The following SLC10A7 variants were observed in gnomAD, a reference collection of about 807,000 sequenced individuals.
The protein encoded by SLC10A7 is sodium/bile acid cotransporter 7.
A neutral mutation model predicts 43.2 loss-of-function variants in SLC10A7; 29 were observed. The ratio of observed to expected loss-of-function variants is 0.67; its 90% confidence interval spans 0.50 to 0.92. The LOEUF is 0.92. Among genes scored for constraint, SLC10A7 ranks in the 40% least tolerant of loss-of-function variants. The pLI is 0.00. For synonymous variants in SLC10A7, 152 were observed against 144.8 expected (o/e 1.05, Z -0.35); for missense variants, 295 against 403.2 (o/e 0.73, Z 2.30).
intron 4 of SLC10A7, among the ~76,000 whole-genome samples, chr4:146,492,957 AAAG>A (rs1487515276): frequency 2.0e-5 from 3 of 152,204 alleles, no homozygotes; most frequent in African/African-American, 7.2e-5. Context: ...GATGGGGCCA[AAAG>A]AAGCAGCTAA....
In SLC10A7 at chr4:146,508,145, G is replaced by A. The variant is rs151263992; in HGVS notation, c.320+1768C>T. Among the ~76,000 whole-genome samples the A allele has an allele frequency of 7.1e-3, 1,075 of 152,202 alleles. 9 individuals carry two copies. The highest frequency in any genetic ancestry group is 0.025 in the African/African-American group (1,036 of 41,520). Reference sequence around the variant, plus strand: ...TTTATCTTTGTATCTCATTAATGCCGCATTTTTGAAATCTCTACGAGTACC... The same window carrying A: ...TTTATCTTTGTATCTCATTAATGCCACATTTTTGAAATCTCTACGAGTACC... On this transcript the variant is annotated intron_variant, in intron 3 of 11. Coordinates refer to ENST00000335472, the MANE Select transcript of SLC10A7 (RefSeq NM_001029998.6).
chr4:146,392,670 C>A (rs1738527107), intron 5 of SLC10A7, among the ~76,000 whole-genome samples: 1 of 152,076 alleles, frequency 6.6e-6, no homozygotes, highest in Non-Finnish European at 1.5e-5. Context: ...CCCCAAAGGT[C>A]CCTTAAGAGA....
At chr4:146,291,992 C>G (rs935614951) in intron 9 of SLC10A7, among the ~76,000 whole-genome samples, 3 of 152,120 alleles carry the variant, frequency 2.0e-5, no homozygotes, top group African/African-American at 7.2e-5. Flanking sequence ...CTTTTAAGAA[C>G]AGGAAGGAGG....
intron 4 of SLC10A7, among the ~76,000 whole-genome samples, chr4:146,462,338 C>T (rs1288400733): frequency 2.6e-5 from 4 of 152,010 alleles, no homozygotes; most frequent in Non-Finnish European, 4.4e-5. Flanking sequence ...AAATTTTCTA[C>T]AAACAATAAA....
rs575045262 is a variant in SLC10A7, at chr4:146,327,000, A to G, written c.436-1004T>C. On this transcript the variant is annotated intron_variant, in intron 5 of 11. Transcript: ENST00000335472. ...GAGAGAGAGAGAGAGAGAGAGACAG[A>G]TAGACAGAGGTACTATATATCCAGA... is the stretch of plus-strand genomic sequence containing the variant. 4.1e-4 allele frequency among the ~76,000 whole-genome samples: 62 copies of G among 152,160 alleles called. 1 individual carries two copies. Among genetic ancestry groups the G allele is most frequent in the African/African-American group, 1.4e-3 (58 of 41,498 alleles).
chr4:146,298,244 A>G (rs1018816142), intron 7 of SLC10A7, among the ~76,000 whole-genome samples: 1 of 152,242 alleles, frequency 6.6e-6, no homozygotes, highest in African/African-American at 2.4e-5. Flanking sequence ...TCCCTGGTAC[A>G]TGATCACTAT....
At chr4:146,289,810 G>C (rs2111166490) in intron 9 of SLC10A7, among the ~76,000 whole-genome samples, 2 of 146,764 alleles carry the variant, frequency 1.4e-5, no homozygotes, top group South Asian at 4.4e-4. Context: ...CCGTCTCCCG[G>C]GTTCAAGCGA....
intron 10 of SLC10A7, among the ~76,000 whole-genome samples, chr4:146,271,172 C>T (rs1302903430): frequency 6.6e-6 from 1 of 152,286 alleles, no homozygotes; most frequent in South Asian, 2.1e-4. Context: ...CCATAGCCTG[C>T]AAACTTCAGC....
chr4:146,462,094 T>A (rs573057053), intron 4 of SLC10A7, among the ~76,000 whole-genome samples: 17 of 152,226 alleles, frequency 1.1e-4, no homozygotes, highest in African/African-American at 4.1e-4. Context: ...AAAGTCTAAA[T>A]AAATATATTT....
intron 7 of SLC10A7, among the ~76,000 whole-genome samples, chr4:146,297,272 C>T (rs1730848683): frequency 6.6e-6 from 1 of 152,080 alleles, no homozygotes; most frequent in Non-Finnish European, 1.5e-5. Context: ...TGTTGTCTCA[C>T]CTTCAAAACT....
intron 5 of SLC10A7, among the ~76,000 whole-genome samples, chr4:146,375,105 C>T (rs1737095669): frequency 6.6e-6 from 1 of 152,118 alleles, no homozygotes; most frequent in Admixed American, 6.6e-5. Context: ...ACTCAGGAGG[C>T]TGAGGCAGGA....
chr4:146,517,066 A>G lies in SLC10A7; in HGVS notation c.155T>C (p.Phe52Ser). The G allele has an allele frequency of 6.2e-7, 1 of 1,610,460 alleles. No homozygotes were observed. The highest frequency in any genetic ancestry group is 8.5e-7 in the Non-Finnish European group (1 of 1,177,464). Residue 52 changes from phenylalanine (F) to serine (S), a missense_variant, in exon 2 of 12, where the codon TTT becomes TCT. Physicochemically the swap from Phe to Ser is radical, Grantham distance 155. Around this residue, in one of 2 missense-constraint regions of SLC10A7, gnomAD observed 242 missense variants for 362.5 expected, o/e 0.67. Coordinates refer to ENST00000335472, the MANE Select transcript of SLC10A7 (RefSeq NM_001029998.6). ...TGTTTTCAATGATAGTCCACTGTTAAAGAATATTGTTGCAACAGCAATGTA... is the reference window on the plus strand; with the variant it reads ...TGTTTTCAATGATAGTCCACTGTTAGAGAATATTGTTGCAACAGCAATGTA... The part of the protein sequence containing the change: ...VSYIAVATIF[F>S]NSGLSLKTEE...
At chr4:146,439,388 T>C (rs1730438157) in intron 5 of SLC10A7, among the ~76,000 whole-genome samples, 1 of 152,074 alleles carries the variant, frequency 6.6e-6, no homozygotes, top group South Asian at 2.1e-4. Context: ...AAAATTCTTT[T>C]AATAAAAGCC....
chr4:146,348,535 T>G (rs757227613), intron 5 of SLC10A7, among the ~76,000 whole-genome samples: 28 of 152,210 alleles, frequency 1.8e-4, no homozygotes, highest in Non-Finnish European at 3.7e-4. Context: ...AAAAATGATT[T>G]GCTTTAAGTA....
intron 6 of SLC10A7, among the ~76,000 whole-genome samples, chr4:146,325,480 G>A (rs1733036962): frequency 6.6e-6 from 1 of 152,120 alleles, no homozygotes; most frequent in African/African-American, 2.4e-5. Context: ...ATAGAATGGA[G>A]GAGGTGTTAC....
intron 9 of SLC10A7, among the ~76,000 whole-genome samples, chr4:146,291,327 T>C (rs1730430989): frequency 6.6e-6 from 1 of 152,200 alleles, no homozygotes; most frequent in African/African-American, 2.4e-5. Context: ...GCTTTACTCT[T>C]ACTTCATAAA....
chr4:146,403,313 A>C (rs914217993), intron 5 of SLC10A7, among the ~76,000 whole-genome samples: 2 of 152,160 alleles, frequency 1.3e-5, no homozygotes, highest in Admixed American at 6.5e-5. Flanking sequence ...TTGAGTTTCT[A>C]ATCTGATGAA....
intron 5 of SLC10A7, among the ~76,000 whole-genome samples, chr4:146,427,016 T>C (rs553655347): frequency 6.6e-6 from 1 of 152,390 alleles, no homozygotes; most frequent in Admixed American, 6.5e-5. Context: ...GAGATTTTTA[T>C]TAGTGTATGC....
intron 5 of SLC10A7, among the ~76,000 whole-genome samples, chr4:146,352,550 C>T (rs1447934366): frequency 6.6e-6 from 1 of 151,340 alleles, no homozygotes; most frequent in Admixed American, 6.6e-5. Flanking sequence ...TAGACATCTA[C>T]AGAACTCTCC....
Sources: gnomAD v4.1 joint callset for allele counts (sites outside exome capture counted in the v4.1 genomes callset) on GRCh38, gnomAD v4.1.1 for gene constraint, gnomAD v4.1.1 regional missense constraint, MANE v1.5 for transcripts, NCBI Gene and HGNC (gene_info 2026-07-23, HGNC 2026-07-21) for gene names.